Variants in CASP9 observed in about 807,000 individuals in gnomAD.
CASP9 encodes the protein caspase 9, also known as caspase-9.
CASP9 carries 29 observed loss-of-function variants against 43.5 expected under a neutral mutation model. The ratio of observed to expected loss-of-function variants is 0.67; its 90% CI spans 0.50 to 0.91. The LOEUF (loss-of-function observed/expected upper bound fraction) is 0.91. Among genes scored for constraint, CASP9 ranks in the 40% least tolerant of loss-of-function variants. CASP9 has a pLI of 0.00. For missense variants in CASP9, 575 were observed against 537.4 expected (o/e 1.07, Z -0.69); for synonymous variants, 206 against 211.9 (o/e 0.97, Z 0.24).
chr1:15,493,176 T>TCAGAGTGAGCCCACTGCTC, intron 8 of CASP9, 141 bp from the exon 9 acceptor site: 1 of 1,475,806 alleles, frequency 6.8e-7, no homozygotes, highest in Admixed American at 2.6e-5. Flanking sequence ...CAGGAGGGCT[T>TCAGAGTGAGCCCACTGCTC]AAAGAATACG....
intron 5 of CASP9, among the ~76,000 whole-genome samples, chr1:15,505,346 C>T (rs1412825559): frequency 6.6e-6 from 1 of 152,208 alleles, no homozygotes; most frequent in South Asian, 2.1e-4. Context: ...TGCCCAGCCA[C>T]AGGCTGGAGT....
chr1:15,515,989 G>A (rs981805171), intron 2 of CASP9, among the ~76,000 whole-genome samples: 6 of 152,014 alleles, frequency 3.9e-5, no homozygotes, highest in Non-Finnish European at 7.4e-5. Context: ...ATCACTTGAG[G>A]CCAGGAGTTC....
At chr1:15,501,139 C>T (rs1389046371) in intron 6 of CASP9, among the ~76,000 whole-genome samples, 1 of 152,164 alleles carries the variant, frequency 6.6e-6, no homozygotes, top group Non-Finnish European at 1.5e-5. Context: ...AATCCACGAC[C>T]ACTGCAGCAT....
rs986262347 is a variant in CASP9, at chr1:15,504,721, G to A, written c.758C>T (p.Thr253Ile). The A allele has an allele frequency of 1.9e-6, 3 of 1,614,092 alleles. No homozygotes were observed. The African/African-American group carries it at 4.0e-5, about 22-fold the overall frequency. Residue 253 changes from threonine (T) to isoleucine (I), a missense_variant, in exon 6 of 9, where the codon ACA becomes ATA. Transcript: ENST00000333868. ...CTCGACCGACACAGGGCATCCATCT[G>A]TGCCGTAGACAGCCCCTGGGAACTG... ...HLQFPGAVYG[T>I]DGCPVSVEKI...
chr1:15,511,933 G>A (rs4646027), intron 2 of CASP9, among the ~76,000 whole-genome samples: 138 of 152,308 alleles, frequency 9.1e-4, no homozygotes, highest in African/African-American at 3.2e-3. Context: ...GAAGGAAGCA[G>A]AGCTGACCAA....
At chr1:15,497,324 A>AG (rs1709140821) in intron 6 of CASP9, among the ~76,000 whole-genome samples, 1 of 133,262 alleles carries the variant, frequency 7.5e-6, no homozygotes, top group Admixed American at 7.2e-5. Flanking sequence ...AAAAAAAAAA[A>AG]AAAGAAAGAA....
chr1:15,505,280 A>C (rs1011138882), intron 5 of CASP9, among the ~76,000 whole-genome samples: 1 of 152,168 alleles, frequency 6.6e-6, no homozygotes, highest in African/African-American at 2.4e-5. Flanking sequence ...GGGAGTCCAC[A>C]TTCTTCATGA....
upstream of CASP9, chr1:15,524,331 C>T (rs1417287192): frequency 1.5e-5 from 21 of 1,433,394 alleles, no homozygotes; most frequent in Middle Eastern, 2.5e-4. Flanking sequence ...AGTCTTCGCT[C>T]CCCACCGCCT....
intron 8 of CASP9, chr1:15,493,307 G>A (rs985018924): frequency 3.0e-6 from 4 of 1,334,466 alleles, no homozygotes; most frequent in Non-Finnish European, 1.9e-6. Context: ...CCCTTCTCGT[G>A]GCATGAATAC....
chr1:15,506,201 C>G (rs1709514128), intron 4 of CASP9, 122 bp from the exon 5 acceptor site: 1 of 673,914 alleles, frequency 1.5e-6, no homozygotes, highest in East Asian at 2.8e-5. Context: ...GTAATCCCAG[C>G]ACTTTGGGAG....
intron 2 of CASP9, among the ~76,000 whole-genome samples, chr1:15,512,676 T>C (rs187936757): frequency 1.4e-3 from 213 of 152,194 alleles, no homozygotes; most frequent in African/African-American, 4.9e-3. Context: ...AAGATATATA[T>C]ATATACACAC....
intron 2 of CASP9, among the ~76,000 whole-genome samples, chr1:15,512,590 A>G (rs1474099117): frequency 2.0e-5 from 3 of 152,202 alleles, no homozygotes; most frequent in Admixed American, 2.0e-4. Context: ...TCCAACTTGC[A>G]GATGGCAGAT....
At chr1:15,493,353 C>T (rs1316045851) in intron 8 of CASP9, 1 of 1,245,688 alleles carries the variant, frequency 8.0e-7, no homozygotes, top group Non-Finnish European at 1.0e-6. Flanking sequence ...CATGCTGCCT[C>T]CCAAGGCAGC....
At chr1:15,518,042 T>C (rs548733450) in intron 2 of CASP9, 68 bp downstream of exon 2, 2 of 1,515,984 alleles carry the variant, frequency 1.3e-6, no homozygotes, top group Non-Finnish European at 1.8e-6. Context: ...CCCACCCAGC[T>C]GTACTCATAG....
chr1:15,517,970 G>C, intron 2 of CASP9, 140 bp downstream of exon 2: 1 of 982,046 alleles, frequency 1.0e-6, no homozygotes, highest in African/African-American at 1.6e-5. Context: ...AAACCTCCCA[G>C]AATTTTGCCA....
upstream of CASP9, chr1:15,524,375 A>G (rs1280324407): frequency 6.9e-6 from 9 of 1,310,276 alleles, no homozygotes; most frequent in African/African-American, 1.7e-4. Flanking sequence ...CCCCGCCCCC[A>G]GGAGTCGCTC....
rs762099054 is a variant in CASP9 at position 15,506,854 on chromosome 1, C to T, written c.630+45G>A. On this transcript the variant is annotated intron_variant, in intron 4 of 8. Coordinates refer to ENST00000333868, the MANE Select transcript of CASP9 (RefSeq NM_001229.5). ...GAGTCCCTCAAAAGATACTTCCCCA[C>T]CCACTGCCCCCCACCCTGTCTCCCT... 65 of 1,481,026 alleles carry T rather than the reference C, an allele frequency of 4.4e-5. No homozygotes were observed. In the East Asian group the frequency reaches 1.4e-3, roughly 31 times the overall value. 91.7% of individuals were successfully genotyped at this position (1,481,026 alleles called of 1,614,324 possible). A position where few individuals can be genotyped will look rare whatever the true frequency, so the allele number is the denominator to read the frequency against.
chr1:15,513,247 A>G (rs1709831647), intron 2 of CASP9, among the ~76,000 whole-genome samples: 1 of 151,980 alleles, frequency 6.6e-6, no homozygotes, highest in South Asian at 2.1e-4. Flanking sequence ...AATGTTTACT[A>G]AGTACCTGCT....
chr1:15,520,293 G>A (rs1000158133), intron 1 of CASP9, among the ~76,000 whole-genome samples: 1 of 152,132 alleles, frequency 6.6e-6, no homozygotes, highest in Non-Finnish European at 1.5e-5. Flanking sequence ...TTTTGTGGGC[G>A]AAAGATTACC....
Sources: gnomAD v4.1 joint callset for allele counts (sites outside exome capture counted in the v4.1 genomes callset) on GRCh38, gnomAD v4.1.1 for gene constraint, MANE v1.5 for transcripts, NCBI Gene and HGNC (gene_info 2026-07-23, HGNC 2026-07-21) for gene names.